The following MALRD1 variants were observed in gnomAD, a reference collection of about 807,000 sequenced individuals.
MALRD1 encodes the protein MAM and LDL receptor class A domain containing 1, also known as MAM and LDL-receptor class A domain-containing protein 1.
In MALRD1, 247 loss-of-function variants were observed where a neutral mutation model predicts 242.1. That is an observed-to-expected ratio of 1.02 (90% CI 0.92 to 1.13). MALRD1 has a LOEUF of 1.13. MALRD1 is among the 50% of genes most tolerant of loss of function. The pLI is 0.00. For synonymous variants in MALRD1, 995 were observed against 866.6 expected, an observed-to-expected ratio of 1.15 and a Z score of -2.60; for missense variants, 2,989 against 2,533.1, an observed-to-expected ratio of 1.18 and a Z score of -3.86.
At chr10:19,733,217 A>G (rs1035910983) in intron 39 of MALRD1, among the ~76,000 whole-genome samples, 17 of 152,188 alleles carry the variant, frequency 1.1e-4, no homozygotes, top group African/African-American at 3.9e-4. Context: ...ATTCATGGCA[A>G]TATTCATTGT....
chr10:19,477,523 G>A (rs1016722530), intron 29 of MALRD1, among the ~76,000 whole-genome samples: 6 of 152,244 alleles, frequency 3.9e-5, no homozygotes, highest in South Asian at 4.1e-4. Context: ...TCATGAAGTG[G>A]CATCATTGTC....
At chr10:19,500,537 T>G (rs971723174) in intron 31 of MALRD1, among the ~76,000 whole-genome samples, 3 of 152,192 alleles carry the variant, frequency 2.0e-5, no homozygotes, top group African/African-American at 7.2e-5. Context: ...TAAGAAAATC[T>G]TTGCAAGAAA....
chr10:19,069,706 T>C (rs1835084407), intron 2 of MALRD1, among the ~76,000 whole-genome samples: 1 of 151,896 alleles, frequency 6.6e-6, no homozygotes, highest in East Asian at 1.9e-4. Flanking sequence ...TTTAAAGACA[T>C]TATTTTGCTG....
At chr10:19,503,746 A>T (rs927525040) in intron 31 of MALRD1, among the ~76,000 whole-genome samples, 6 of 152,210 alleles carry the variant, frequency 3.9e-5, no homozygotes, top group Admixed American at 2.6e-4. Context: ...CTCCTCTAGC[A>T]TTTAAATAAG....
chr10:19,732,901 G>A (rs1835352733), intron 39 of MALRD1, among the ~76,000 whole-genome samples: 1 of 152,004 alleles, frequency 6.6e-6, no homozygotes, highest in Non-Finnish European at 1.5e-5. Context: ...AGTGATTTAT[G>A]TTTATTTTCT....
chr10:19,054,850 G>A (rs1376437083), intron 1 of MALRD1, among the ~76,000 whole-genome samples: 3 of 152,146 alleles, frequency 2.0e-5, no homozygotes. Flanking sequence ...GAATAGTACT[G>A]CAATAAACAT....
chr10:19,155,965 T>A (rs1834127029), intron 12 of MALRD1, among the ~76,000 whole-genome samples: 1 of 152,160 alleles, frequency 6.6e-6, no homozygotes, highest in Non-Finnish European at 1.5e-5. Context: ...AACACCTAAA[T>A]CAGAGGTCTG....
chr10:19,195,166 T>G (rs1836182458), intron 14 of MALRD1, among the ~76,000 whole-genome samples: 1 of 152,164 alleles, frequency 6.6e-6, no homozygotes, highest in Non-Finnish European at 1.5e-5. Context: ...ATCCAGAGCT[T>G]CAGCCATCTA....
At chr10:19,341,617 G>A (rs1042737293) in intron 24 of MALRD1, among the ~76,000 whole-genome samples, 1 of 150,936 alleles carries the variant, frequency 6.6e-6, no homozygotes, top group African/African-American at 2.4e-5. Flanking sequence ...ACAGTGATTA[G>A]TGTTCCAGCA....
chr10:19,087,817 AC>A (rs1835725160), intron 2 of MALRD1, 22 bp from the exon 3 acceptor site: 1 of 1,150,144 alleles, frequency 8.7e-7, no homozygotes, highest in East Asian at 3.2e-5. Context: ...TTTTTTTTGT[AC>A]CCTGTCTCTT....
At chr10:19,106,579 A>G (rs528843436) in intron 5 of MALRD1, among the ~76,000 whole-genome samples, 90 of 151,888 alleles carry the variant, frequency 5.9e-4, no homozygotes, top group African/African-American at 2.0e-3. Context: ...TTTTAAAAAA[A>G]CAACTTTTTG....
intron 18 of MALRD1, among the ~76,000 whole-genome samples, chr10:19,214,214 T>G (rs74118870): frequency 0.028 from 4,291 of 152,284 alleles, 174 homozygotes; most frequent in East Asian, 0.18. Flanking sequence ...TCTCAGCTCT[T>G]TCCCCTCAGC....
At chr10:19,527,041 A>G (rs1537354) in intron 31 of MALRD1, among the ~76,000 whole-genome samples, 24,291 of 152,164 alleles carry the variant, frequency 0.16, 2,987 homozygotes, top group African/African-American at 0.34. Flanking sequence ...TAAGAAAGCA[A>G]TAATACATAT....
chr10:19,436,118 A>C (rs1006171970), intron 28 of MALRD1, among the ~76,000 whole-genome samples: 2 of 152,094 alleles, frequency 1.3e-5, no homozygotes, highest in Admixed American at 6.6e-5. Flanking sequence ...AAGATGTCCC[A>C]GGCTCTTGTA....
intron 18 of MALRD1, among the ~76,000 whole-genome samples, chr10:19,256,679 A>G (rs537979290): frequency 6.6e-6 from 1 of 152,236 alleles, no homozygotes; most frequent in East Asian, 1.9e-4. Flanking sequence ...AGAAAGTTGG[A>G]GAAAAGTGTT....
At chr10:19,223,154 G>T (rs557908743) in intron 18 of MALRD1, among the ~76,000 whole-genome samples, 1 of 152,030 alleles carries the variant, frequency 6.6e-6, no homozygotes, top group Non-Finnish European at 1.5e-5. Flanking sequence ...ACATTAAAAC[G>T]ATATTTCTAT....
intron 19 of MALRD1, among the ~76,000 whole-genome samples, chr10:19,271,079 C>T (rs1564518161): frequency 6.6e-6 from 1 of 152,110 alleles, no homozygotes; most frequent in Non-Finnish European, 1.5e-5. Context: ...TTGGCATTAT[C>T]TCCTAAAGTT....
chr10:19,146,465 C>A (rs954533271), intron 11 of MALRD1, 121 bp downstream of exon 11: 106 of 854,148 alleles, frequency 1.2e-4, no homozygotes, highest in Non-Finnish European at 1.4e-4. Context: ...GTTTGTCTTG[C>A]TTTAAAACCT....
Position 19,063,302 on chromosome 10 carries a change from G to A in MALRD1, c.200-3417G>A, listed in dbSNP as rs192161353. Among the ~76,000 whole-genome samples the A allele has an allele frequency of 3.9e-4, 60 of 152,244 alleles. 1 individual carries two copies. Among genetic ancestry groups the A allele is most frequent in the African/African-American group, 1.4e-3 (59 of 41,536 alleles). Reference sequence around the variant, plus strand: ...TGACCCAGGGAAAATTTTGAAATAAGTGTGGTTTCTATCTCATCTCTTCCC... The same window carrying A: ...TGACCCAGGGAAAATTTTGAAATAAATGTGGTTTCTATCTCATCTCTTCCC... On this transcript the variant is annotated intron_variant, in intron 1 of 39. Transcript: ENST00000454679.
Sources: gnomAD v4.1 joint callset for allele counts (sites outside exome capture counted in the v4.1 genomes callset) on GRCh38, gnomAD v4.1.1 for gene constraint, MANE v1.5 for transcripts, NCBI Gene and HGNC (gene_info 2026-07-23, HGNC 2026-07-21) for gene names.